CSMD1: variants seen among roughly 807,000 people sequenced by gnomAD.
CSMD1 encodes CUB and Sushi multiple domains 1.
In CSMD1, 213 loss-of-function variants were observed where a neutral mutation model predicts 417.5. That is an observed-to-expected ratio of 0.51 (90% CI 0.46 to 0.57). CSMD1 has a LOEUF of 0.57. CSMD1 is among the 20% of genes least tolerant of loss of function. CSMD1 has a pLI of 0.00. For missense variants in CSMD1, 6,923 were observed against 4,529.7 expected (o/e 1.53, Z -15.17); for synonymous variants, 2,862 against 1,736.8 (o/e 1.65, Z -16.11).
At chr8:3,509,930 G>C (rs1375604775) in intron 10 of CSMD1, among the ~76,000 whole-genome samples, 1 of 152,102 alleles carries the variant, frequency 6.6e-6, no homozygotes, top group Non-Finnish European at 1.5e-5. Context: ...TTAAGTTGCT[G>C]GCATTTCAGC....
In CSMD1 at chr8:3,359,160, C is replaced by A; in HGVS notation, c.3296G>T (p.Arg1099Met). ...GRRVWSAPLP[R>M]CVAECGASVK... The stretch of plus-strand genomic sequence containing the variant: ...AGCGTGTGACCACCTACCCACACAC[C>A]TTGGCAGAGGTGCACTCCACACACG... Residue 1099 changes from arginine to methionine, a missense_variant, in exon 21 of 70, where the codon AGG becomes ATG. Arg to Met is a moderately conservative substitution (Grantham distance 91, BLOSUM62 -1). Coordinates refer to ENST00000635120, the MANE Select transcript of CSMD1 (RefSeq NM_033225.6). The A allele has an allele frequency of 6.2e-7, 1 of 1,613,982 alleles. No individual in the cohort carries two copies. The highest frequency in any genetic ancestry group is 8.5e-7 in the Non-Finnish European group (1 of 1,179,946).
At chr8:4,404,196 T>A (rs747847217) in intron 3 of CSMD1, among the ~76,000 whole-genome samples, 24 of 152,294 alleles carry the variant, frequency 1.6e-4, no homozygotes, top group Non-Finnish European at 3.1e-4. Context: ...ACCTATAGCC[T>A]GACAATCCGT....
chr8:4,427,498 C>G (rs1797630760), intron 2 of CSMD1, among the ~76,000 whole-genome samples: 1 of 151,882 alleles, frequency 6.6e-6, no homozygotes, highest in Non-Finnish European at 1.5e-5. Flanking sequence ...TACACACACA[C>G]ACACACACAC....
chr8:4,708,377 T>A (rs779120478), intron 1 of CSMD1, among the ~76,000 whole-genome samples: 1 of 152,232 alleles, frequency 6.6e-6, no homozygotes, highest in Non-Finnish European at 1.5e-5. Context: ...TGTTCATTAT[T>A]CTGTTCAGTG....
chr8:4,041,467 G>A (rs567602501), intron 3 of CSMD1, among the ~76,000 whole-genome samples: 2 of 152,168 alleles, frequency 1.3e-5, no homozygotes, highest in African/African-American at 4.8e-5. Context: ...TTAAAAAGTA[G>A]TGTAAGGATC....
At chr8:4,114,970 T>C (rs1802055899) in intron 3 of CSMD1, among the ~76,000 whole-genome samples, 1 of 152,194 alleles carries the variant, frequency 6.6e-6, no homozygotes, top group Admixed American at 6.5e-5. Flanking sequence ...ATTGTTGAAA[T>C]GACAACAAAA....
rs115580633 is a variant in CSMD1 at position 3,845,155 on chromosome 8, G to C, written c.819-91113C>G. On this transcript the variant is annotated intron_variant, in intron 5 of 69. Coordinates refer to ENST00000635120, the MANE Select transcript of CSMD1 (RefSeq NM_033225.6). ...GTAGACATTGAATTGAAGGCAGGAA[G>C]ACAGTTTATGGGAATTAGAAAACAC... is the stretch of plus-strand genomic sequence containing the variant. 2.8e-3 allele frequency among the ~76,000 whole-genome samples: 421 copies of C among 152,318 alleles called. 3 individuals carry two copies. The highest frequency in any genetic ancestry group is 8.9e-3 in the African/African-American group (372 of 41,574).
intron 3 of CSMD1, among the ~76,000 whole-genome samples, chr8:4,134,306 G>A (rs189141725): frequency 1.3e-5 from 2 of 152,308 alleles, no homozygotes; most frequent in African/African-American, 4.8e-5. Flanking sequence ...CTTTAGGTTG[G>A]TGATTAAGCT....
intron 5 of CSMD1, among the ~76,000 whole-genome samples, chr8:3,881,205 T>C (rs575599169): frequency 1.3e-5 from 2 of 152,050 alleles, no homozygotes; most frequent in South Asian, 2.1e-4. Flanking sequence ...AAATGTATTA[T>C]ATAGATTCAA....
chr8:4,045,064 C>T (rs1431967192), intron 3 of CSMD1, among the ~76,000 whole-genome samples: 3 of 152,170 alleles, frequency 2.0e-5, no homozygotes, highest in African/African-American at 7.2e-5. Context: ...AGCCTTGTGC[C>T]TGAGGTATGG....
rs141810387 is a variant in CSMD1 at position 4,434,483 on chromosome 8, G to T, written c.303-14418C>A. 2.2e-3 allele frequency among the ~76,000 whole-genome samples: 331 copies of T among 152,258 alleles called. 1 individual carries two copies. Among genetic ancestry groups the T allele is most frequent in the African/African-American group, 7.7e-3 (319 of 41,548 alleles). On this transcript the variant is annotated intron_variant, in intron 2 of 69. Coordinates refer to ENST00000635120, the MANE Select transcript of CSMD1 (RefSeq NM_033225.6). Reference sequence around the variant, plus strand: ...TGAAGTCCCCACACTCTAACAGAAGGAAAGAAACAACAAAAAGAAAACCCA... The same window carrying T: ...TGAAGTCCCCACACTCTAACAGAAGTAAAGAAACAACAAAAAGAAAACCCA...
chr8:3,844,686 AC>A, intron 5 of CSMD1, among the ~76,000 whole-genome samples: 1 of 152,172 alleles, frequency 6.6e-6, no homozygotes, highest in African/African-American at 2.4e-5. Flanking sequence ...ATTGTCGGGA[AC>A]TGCAGCCTCA....
chr8:3,467,342 A>G (rs1377833708), intron 12 of CSMD1, among the ~76,000 whole-genome samples: 1 of 152,184 alleles, frequency 6.6e-6, no homozygotes, highest in Non-Finnish European at 1.5e-5. Flanking sequence ...TTCACTGATG[A>G]TTTCAGATTC....
At chr8:3,659,002 A>G (rs1397747973) in intron 7 of CSMD1, among the ~76,000 whole-genome samples, 1 of 152,150 alleles carries the variant, frequency 6.6e-6, no homozygotes, top group Non-Finnish European at 1.5e-5. Context: ...CTTCTAAAAT[A>G]CTTCTAGGTC....
intron 17 of CSMD1, among the ~76,000 whole-genome samples, chr8:3,394,301 A>T (rs967282795): frequency 6.7e-6 from 1 of 148,566 alleles, no homozygotes; most frequent in South Asian, 2.1e-4. Context: ...TATTATTATT[A>T]TAATATTAGT....
chr8:3,220,723 CG>C (rs1235587937), intron 28 of CSMD1, among the ~76,000 whole-genome samples: 1 of 151,962 alleles, frequency 6.6e-6, no homozygotes, highest in African/African-American at 2.4e-5. Flanking sequence ...CCCAGCTGCT[CG>C]GGAGGCTGAG....
At chr8:3,102,373 G>A (rs866161377) in intron 46 of CSMD1, among the ~76,000 whole-genome samples, 3 of 152,136 alleles carry the variant, frequency 2.0e-5, no homozygotes, top group East Asian at 1.9e-4. Flanking sequence ...AAATTGACTC[G>A]TGACTTGAAA....
intron 2 of CSMD1, among the ~76,000 whole-genome samples, chr8:4,610,028 G>GAA (rs34593512): frequency 3.4e-4 from 48 of 142,062 alleles, no homozygotes; most frequent in Non-Finnish European, 4.5e-4. Flanking sequence ...CAGGGTTCAG[G>GAA]AAAAAAAAAA....
At chr8:4,156,525 C>G (rs1456233653) in intron 3 of CSMD1, among the ~76,000 whole-genome samples, 1 of 152,064 alleles carries the variant, frequency 6.6e-6, no homozygotes, top group Non-Finnish European at 1.5e-5. Flanking sequence ...GTAAGTTCCT[C>G]TTATTTGACT....
Sources: gnomAD v4.1 joint callset for allele counts (sites outside exome capture counted in the v4.1 genomes callset) on GRCh38, gnomAD v4.1.1 for gene constraint, MANE v1.5 for transcripts, NCBI Gene and HGNC (gene_info 2026-07-23, HGNC 2026-07-21) for gene names.